The following GRIK1 variants were observed in gnomAD, a reference collection of about 807,000 sequenced individuals.
GRIK1 encodes the protein glutamate receptor ionotropic, kainate 1.
A neutral mutation model predicts 105.7 loss-of-function variants in GRIK1; 69 were observed. The ratio of observed to expected loss-of-function variants is 0.65; its 90% CI spans 0.54 to 0.80. The LOEUF is 0.80. Ranked by LOEUF, GRIK1 falls within the 30% of genes least tolerant of loss-of-function variation. GRIK1 has a pLI of 0.00. For missense variants in GRIK1, 1,109 were observed against 1,167.3 expected (o/e 0.95, Z 0.73); for synonymous variants, 438 against 431.3 (o/e 1.02, Z -0.19).
At chr21:29,718,518 A>G (rs562458936) in intron 1 of GRIK1, among the ~76,000 whole-genome samples, 13 of 152,346 alleles carry the variant, frequency 8.5e-5, no homozygotes, top group Middle Eastern at 3.4e-3. Flanking sequence ...TGACATTGTT[A>G]ATAATGGGAT....
intron 7 of GRIK1, among the ~76,000 whole-genome samples, chr21:29,641,696 T>G (rs1396077598): frequency 6.6e-6 from 1 of 152,208 alleles, no homozygotes; most frequent in Non-Finnish European, 1.5e-5. Context: ...CAAGAATGAA[T>G]GTTTCCTTAA....
rs534322096 is a variant in GRIK1 at position 29,879,262 on chromosome 21, G to A, written c.118+60121C>T. Among the ~76,000 whole-genome samples, 3 of 152,230 alleles carry A rather than the reference G, an allele frequency of 2.0e-5. No homozygotes were observed. The East Asian group carries it at 5.8e-4, about 30-fold the overall frequency. On this transcript the variant is annotated intron_variant, in intron 1 of 17. Coordinates refer to ENST00000327783, the MANE Select transcript of GRIK1 (RefSeq NM_001330994.2). ...AAAATGCTGTTGGAATTGGTGGTCT[G>A]GAGTTCTTAGGGAAGTCAGGTATAG...
intron 1 of GRIK1, among the ~76,000 whole-genome samples, chr21:29,920,184 G>T (rs1399371912): frequency 6.6e-6 from 1 of 151,470 alleles, no homozygotes; most frequent in Non-Finnish European, 1.5e-5. Flanking sequence ...TCAAAGAGAA[G>T]TTTTAAATTT....
chr21:29,666,131 T>C (rs901410430), intron 4 of GRIK1, among the ~76,000 whole-genome samples: 1 of 152,166 alleles, frequency 6.6e-6, no homozygotes, highest in Admixed American at 6.5e-5. Context: ...AAGCCAGGCT[T>C]GGTGGCTCAC....
intron 1 of GRIK1, among the ~76,000 whole-genome samples, chr21:29,733,756 T>A (rs760872850): frequency 7.2e-5 from 11 of 152,236 alleles, no homozygotes; most frequent in Non-Finnish European, 1.6e-4. Context: ...TTTATAGATG[T>A]AGATTTACAA....
At chr21:29,610,368 A>C (rs1451037466) in intron 7 of GRIK1, among the ~76,000 whole-genome samples, 1 of 152,152 alleles carries the variant, frequency 6.6e-6, no homozygotes, top group Non-Finnish European at 1.5e-5. Context: ...ATCATCCCGG[A>C]TTATCTGGGT....
At chr21:29,785,543 G>A (rs917451661) in intron 1 of GRIK1, among the ~76,000 whole-genome samples, 3 of 125,886 alleles carry the variant, frequency 2.4e-5, no homozygotes, top group South Asian at 2.5e-4. Flanking sequence ...CAGCCTGGGC[G>A]ACAGAGTGAG....
chr21:29,572,196 T>A (rs918370975), intron 14 of GRIK1, among the ~76,000 whole-genome samples: 6 of 152,112 alleles, frequency 3.9e-5, no homozygotes, highest in Admixed American at 2.0e-4. Flanking sequence ...TGTGGAATAA[T>A]CCAGCTTAAG....
chr21:29,639,195 T>C (rs1313220312), intron 7 of GRIK1, among the ~76,000 whole-genome samples: 1 of 152,240 alleles, frequency 6.6e-6, no homozygotes, highest in Non-Finnish European at 1.5e-5. Flanking sequence ...TTATAGATTG[T>C]GTGTGTTCTT....
At chr21:29,901,986 T>C (rs1422797163) in intron 1 of GRIK1, among the ~76,000 whole-genome samples, 1 of 152,180 alleles carries the variant, frequency 6.6e-6, no homozygotes, top group East Asian at 1.9e-4. Flanking sequence ...GCAAGGCTGG[T>C]TCAACATACA....
At chr21:29,841,088 TAAG>T (rs1397323142) in intron 1 of GRIK1, among the ~76,000 whole-genome samples, 1 of 152,136 alleles carries the variant, frequency 6.6e-6, no homozygotes, top group East Asian at 1.9e-4. Flanking sequence ...TACTAGCAAA[TAAG>T]AAAGCTATAT....
intron 1 of GRIK1, among the ~76,000 whole-genome samples, chr21:29,811,063 G>T (rs1026543020): frequency 1.3e-5 from 2 of 152,072 alleles, no homozygotes; most frequent in African/African-American, 2.4e-5. Context: ...ATTTCATTCA[G>T]CTTCATAATA....
intron 1 of GRIK1, among the ~76,000 whole-genome samples, chr21:29,922,326 A>G (rs2071219857): frequency 6.6e-6 from 1 of 152,162 alleles, no homozygotes; most frequent in Non-Finnish European, 1.5e-5. Context: ...TATTTTTAAA[A>G]TAAGTTTTCT....
intron 1 of GRIK1, among the ~76,000 whole-genome samples, chr21:29,747,198 T>C (rs1417253243): frequency 1.3e-5 from 2 of 152,222 alleles, no homozygotes; most frequent in Non-Finnish European, 2.9e-5. Flanking sequence ...TGCCTGAATG[T>C]ATTAGAGTAC....
chr21:29,737,337 T>C (rs2064819650), intron 1 of GRIK1, among the ~76,000 whole-genome samples: 2 of 152,158 alleles, frequency 1.3e-5, no homozygotes, highest in South Asian at 4.1e-4. Context: ...TTGGATTTTA[T>C]TGGGTAATGT....
At chr21:29,774,533 C>T (rs931676474) in intron 1 of GRIK1, among the ~76,000 whole-genome samples, 1 of 149,526 alleles carries the variant, frequency 6.7e-6, no homozygotes, top group Non-Finnish European at 1.5e-5. Context: ...CTCACTGCAA[C>T]CTCCACCTCC....
At chr21:29,934,428 A>G (rs151040777) in intron 1 of GRIK1, among the ~76,000 whole-genome samples, 1 of 152,298 alleles carries the variant, frequency 6.6e-6, no homozygotes, top group Non-Finnish European at 1.5e-5. Flanking sequence ...TTTATGTAAC[A>G]CTATCAGATG....
chr21:29,864,323 G>T (rs773118847), intron 1 of GRIK1, among the ~76,000 whole-genome samples: 1 of 151,106 alleles, frequency 6.6e-6, no homozygotes, highest in African/African-American at 2.5e-5. Context: ...AGCATTACAT[G>T]CAGGGAATTC....
At chr21:29,554,913 C>T (rs1232691491) in intron 16 of GRIK1, 139 bp downstream of exon 16, 6 of 660,798 alleles carry the variant, frequency 9.1e-6, no homozygotes, top group Middle Eastern at 3.3e-4. Flanking sequence ...TTCAATAGCT[C>T]TCTGCTCTAA....
Sources: gnomAD v4.1 joint callset for allele counts (sites outside exome capture counted in the v4.1 genomes callset) on GRCh38, gnomAD v4.1.1 for gene constraint, MANE v1.5 for transcripts, NCBI Gene and HGNC (gene_info 2026-07-23, HGNC 2026-07-21) for gene names.